The following PPP2R1A variants were observed in gnomAD, a reference collection of about 807,000 sequenced individuals.
PPP2R1A encodes the protein serine/threonine-protein phosphatase 2A 65 kDa regulatory subunit A alpha isoform.
In PPP2R1A, 15 loss-of-function variants were observed where a neutral mutation model predicts 67.1. That is an observed-to-expected ratio of 0.22 (90% CI 0.15 to 0.34). The LOEUF (loss-of-function observed/expected upper bound fraction) is 0.34. PPP2R1A is among the 10% of genes least tolerant of loss of function. PPP2R1A has a pLI of 1.00. For missense variants in PPP2R1A, 369 were observed against 775.0 expected (o/e 0.48, Z 6.22); for synonymous variants, 337 against 325.0 (o/e 1.04, Z -0.40).
chr19:52,214,132 A>T (rs1486829484), intron 6 of PPP2R1A, among the ~76,000 whole-genome samples: 4 of 152,118 alleles, frequency 2.6e-5, no homozygotes, highest in African/African-American at 9.7e-5. Context: ...AAGAGCTAAG[A>T]TAGGAACTTT....
chr19:52,217,949 A>T (rs1157582730), intron 9 of PPP2R1A, among the ~76,000 whole-genome samples: 1 of 152,072 alleles, frequency 6.6e-6, no homozygotes, highest in Non-Finnish European at 1.5e-5. Flanking sequence ...TGAAGGAAGG[A>T]TTGAAGTGAG....
chr19:52,222,319 C>G, intron 13 of PPP2R1A, 78 bp downstream of exon 13: 2 of 1,529,290 alleles, frequency 1.3e-6, no homozygotes, highest in Non-Finnish European at 1.8e-6. Context: ...GAAGGTAGAG[C>G]CCAGGGTCAG....
intron 1 of PPP2R1A, among the ~76,000 whole-genome samples, chr19:52,199,746 G>C (rs2089529694): frequency 6.6e-6 from 1 of 152,232 alleles, no homozygotes; most frequent in Admixed American, 6.5e-5. Context: ...TTCTAGCATA[G>C]TGCAGTGAGC....
intron 1 of PPP2R1A, among the ~76,000 whole-genome samples, chr19:52,198,280 C>T (rs1431024287): frequency 6.6e-6 from 1 of 152,196 alleles, no homozygotes; most frequent in African/African-American, 2.4e-5. Context: ...CTTTCTCAAG[C>T]ATTGATGATG....
intron 3 of PPP2R1A, among the ~76,000 whole-genome samples, chr19:52,210,484 CTTTTTTTTT>C (rs112983236): frequency 3.9e-5 from 5 of 126,954 alleles, no homozygotes; most frequent in African/African-American, 8.8e-5. Flanking sequence ...GTTTTCTCTT[CTTTTTTTTT>C]TTTTTTTTTT....
At chr19:52,206,555 G>C (rs935894057) in intron 3 of PPP2R1A, among the ~76,000 whole-genome samples, 1 of 152,142 alleles carries the variant, frequency 6.6e-6, no homozygotes, top group Non-Finnish European at 1.5e-5. Flanking sequence ...TGGGGTAGGA[G>C]GGATTCCCTG....
intron 3 of PPP2R1A, among the ~76,000 whole-genome samples, chr19:52,207,393 G>A (rs2122316819): frequency 6.6e-6 from 1 of 152,314 alleles, no homozygotes. Flanking sequence ...AGGGCCCCCA[G>A]GGTCTGCAAC....
chr19:52,213,143 G>A lies in PPP2R1A; in HGVS notation c.807+33G>A, dbSNP rs2122339523. ...AGCGACCGTTGACATTGTCCCACTG[G>A]TGGGGACACTGACACTCTCAGAAGG... is the stretch of plus-strand genomic sequence containing the variant. On this transcript the variant is annotated intron_variant, in intron 6 of 14. Transcript: ENST00000322088. This position sits in a 1 kb window ranked among gnomAD's most constrained non-coding sequence, Gnocchi z 4.2. 1 of 1,520,886 alleles carries A rather than the reference G, an allele frequency of 6.6e-7. No homozygotes were observed. Among genetic ancestry groups the A allele is most frequent in the Non-Finnish European group, 8.8e-7 (1 of 1,140,802 alleles). The allele number at this position is 1,520,886 out of a possible 1,614,324, so 94.2% of individuals were successfully genotyped here.
intron 1 of PPP2R1A, 27 bp from the exon 2 acceptor site, chr19:52,201,917 C>G (rs767621409): frequency 1.2e-6 from 2 of 1,604,578 alleles, no homozygotes; most frequent in Non-Finnish European, 1.7e-6. Flanking sequence ...CTAACATTCT[C>G]CCCTCCTCTT....
chr19:52,222,313 G>A (rs1978988124), intron 13 of PPP2R1A, 72 bp downstream of exon 13: 4 of 1,544,628 alleles, frequency 2.6e-6, no homozygotes, highest in South Asian at 1.2e-5. Context: ...ACCTTTGAAG[G>A]TAGAGCCCAG....
At chr19:52,202,178 G>C (rs2089556112) in intron 2 of PPP2R1A, 144 bp downstream of exon 2, 1 of 674,510 alleles carries the variant, frequency 1.5e-6, no homozygotes, top group African/African-American at 1.8e-5. Flanking sequence ...AAGGGATTCA[G>C]AGAAGTGCAG....
chr19:52,201,819 C>A, intron 1 of PPP2R1A, 125 bp from the exon 2 acceptor site: 1 of 790,370 alleles, frequency 1.3e-6, no homozygotes. Context: ...TGCCAAATTA[C>A]TCTTGAGCAT....
chr19:52,217,333 G>A (rs1404954598), intron 9 of PPP2R1A, among the ~76,000 whole-genome samples: 1 of 152,162 alleles, frequency 6.6e-6, no homozygotes, highest in Non-Finnish European at 1.5e-5. Flanking sequence ...CAAGTAGCTG[G>A]GACTACAGGC....
At chr19:52,225,206 A>G (rs1979182933) in intron 13 of PPP2R1A, among the ~76,000 whole-genome samples, 3 of 151,692 alleles carry the variant, frequency 2.0e-5, no homozygotes, top group Middle Eastern at 3.4e-3. Context: ...TAGTAGGGAC[A>G]GGGTTTCTCC....
Position 52,206,279 on chromosome 19 carries a change from G to A in PPP2R1A, c.270+216G>A, listed in dbSNP as rs111634263. On this transcript the variant is annotated intron_variant, in intron 3 of 14. Coordinates refer to ENST00000322088, the MANE Select transcript of PPP2R1A (RefSeq NM_014225.6). ...ATCCTTTCTGTTTAGTGGTCAGGTA[G>A]GTGCCCAGTGCCAGGCCTTACCTGG... 6.6e-6 allele frequency among the ~76,000 whole-genome samples: 1 copy of A among 152,176 alleles called. No individual in the cohort carries two copies. The highest frequency in any genetic ancestry group is 2.4e-5 in the African/African-American group (1 of 41,430).
intron 1 of PPP2R1A, 77 bp from the exon 2 acceptor site, chr19:52,201,867 T>G (rs1442053851): frequency 1.5e-6 from 2 of 1,372,006 alleles, no homozygotes; most frequent in Non-Finnish European, 2.1e-6. Context: ...AGGGGCTGAC[T>G]GGGTTGAGAG....
chr19:52,191,979 G>A (rs73937434), intron 1 of PPP2R1A, among the ~76,000 whole-genome samples: 21,126 of 152,096 alleles, frequency 0.14, 1,485 homozygotes, highest in Non-Finnish European at 0.15. Context: ...AGGCCTTGGG[G>A]AGTTTATTTT....
Position 52,226,398 on chromosome 19 carries a change from A to G in PPP2R1A, c.*417A>G. On this transcript the variant is annotated 3_prime_UTR_variant, in exon 15 of 15. Coordinates refer to ENST00000322088, the MANE Select transcript of PPP2R1A (RefSeq NM_014225.6). ...CCTTTTATTTTCCCCCTTTTCACAG[A>G]GAAATAAAGGTCTAGAAGTAGTTGG... 1 of 299,176 alleles carries G rather than the reference A, an allele frequency of 3.3e-6. No individual in the cohort carries two copies. Among genetic ancestry groups the G allele is most frequent in the East Asian group, 5.1e-5 (1 of 19,470 alleles). The allele number at this position is 299,176 out of a possible 1,614,324, so 18.5% of individuals were successfully genotyped here. A position where few individuals can be genotyped will look rare whatever the true frequency, so the allele number is the denominator to read the frequency against.
At chr19:52,199,701 A>G (rs1409534132) in intron 1 of PPP2R1A, among the ~76,000 whole-genome samples, 4 of 152,196 alleles carry the variant, frequency 2.6e-5, no homozygotes, top group Non-Finnish European at 5.9e-5. Flanking sequence ...GAAAATAATT[A>G]CTGTCTGGCA....
Sources: gnomAD v4.1 joint callset for allele counts (sites outside exome capture counted in the v4.1 genomes callset) on GRCh38, gnomAD v4.1.1 for gene constraint, Gnocchi (gnomAD v3.1) non-coding constraint, MANE v1.5 for transcripts, NCBI Gene and HGNC (gene_info 2026-07-23, HGNC 2026-07-21) for gene names.